Variants in GRIK1 observed in about 807,000 individuals in gnomAD.
GRIK1 encodes glutamate ionotropic receptor kainate type subunit 1.
GRIK1 carries 69 observed loss-of-function variants against 105.7 expected under a neutral mutation model. The ratio of observed to expected loss-of-function variants is 0.65; its 90% confidence interval spans 0.54 to 0.80. The LOEUF (loss-of-function observed/expected upper bound fraction) is 0.80, where lower values mean the gene tolerates loss of function less well. Among genes scored for constraint, GRIK1 ranks in the 30% least tolerant of loss-of-function variants. GRIK1 has a pLI of 0.00. For synonymous variants in GRIK1, 438 were observed against 431.3 expected (o/e 1.02, Z -0.19); for missense variants, 1,109 against 1,167.3 (o/e 0.95, Z 0.73).
At chr21:29,863,171 T>C (rs1401849096) in intron 1 of GRIK1, among the ~76,000 whole-genome samples, 8 of 152,240 alleles carry the variant, frequency 5.3e-5, no homozygotes, top group Admixed American at 1.3e-4. Flanking sequence ...CTGAACAGTA[T>C]ATGTGTGATT....
chr21:29,589,668 C>T (rs1322095048), intron 10 of GRIK1, among the ~76,000 whole-genome samples: 1 of 152,002 alleles, frequency 6.6e-6, no homozygotes, highest in Admixed American at 6.6e-5. Context: ...CCTCGTGATC[C>T]ACCCTCACAC....
intron 16 of GRIK1, among the ~76,000 whole-genome samples, chr21:29,544,355 A>G (rs2090018283): frequency 6.6e-6 from 1 of 152,204 alleles, no homozygotes; most frequent in Non-Finnish European, 1.5e-5. Flanking sequence ...AGGGCTACCC[A>G]GTGCACATTC....
At position 29,708,524 on chromosome 21, in the gene GRIK1, C is replaced by T. The variant is rs78937773; in HGVS notation, c.119-14461G>A. Among the ~76,000 whole-genome samples, 1,048 of 152,320 alleles carry T rather than the reference C, an allele frequency of 6.9e-3. 4 individuals carry two copies. Among genetic ancestry groups the T allele is most frequent in the African/African-American group, 0.023 (949 of 41,574 alleles). The stretch of plus-strand genomic sequence containing the variant: ...GTTACTATTTCCGGTTCTTTCCCTT[C>T]GGAATACATGCGTGGATTGTACCTA... On this transcript the variant is annotated intron_variant, in intron 1 of 17. Coordinates refer to ENST00000327783, the MANE Select transcript of GRIK1 (RefSeq NM_001330994.2).
At chr21:29,675,016 A>C (rs1157619692) in intron 3 of GRIK1, among the ~76,000 whole-genome samples, 2 of 152,232 alleles carry the variant, frequency 1.3e-5, no homozygotes, top group African/African-American at 4.8e-5. Context: ...AAATGAAACA[A>C]AATATAGAAC....
chr21:29,544,192 C>T (rs945632961), intron 16 of GRIK1, among the ~76,000 whole-genome samples: 2 of 152,184 alleles, frequency 1.3e-5, no homozygotes, highest in African/African-American at 4.8e-5. Context: ...AAGTGTCTTC[C>T]TCCTGTTGTT....
intron 3 of GRIK1, among the ~76,000 whole-genome samples, chr21:29,678,616 T>C (rs1360057391): frequency 6.6e-6 from 1 of 152,024 alleles, no homozygotes; most frequent in African/African-American, 2.4e-5. Context: ...AGGTGGGAGA[T>C]ATGAAGGGTA....
intron 1 of GRIK1, among the ~76,000 whole-genome samples, chr21:29,901,493 A>T (rs1223667086): frequency 6.6e-6 from 1 of 152,094 alleles, no homozygotes; most frequent in Admixed American, 6.6e-5. Flanking sequence ...AATACAAACT[A>T]CCACCAGAGA....
chr21:29,817,649 A>G (rs2067189940), intron 1 of GRIK1, among the ~76,000 whole-genome samples: 1 of 152,076 alleles, frequency 6.6e-6, no homozygotes, highest in Admixed American at 6.6e-5. Flanking sequence ...GAATGGTTAC[A>G]CATTCATAGG....
intron 1 of GRIK1, among the ~76,000 whole-genome samples, chr21:29,915,484 T>C (rs934434655): frequency 2.6e-5 from 4 of 152,050 alleles, no homozygotes; most frequent in African/African-American, 9.7e-5. Context: ...TTTTCACATA[T>C]ACTGCCCTGC....
intron 14 of GRIK1, among the ~76,000 whole-genome samples, chr21:29,569,245 A>G (rs1386099868): frequency 6.6e-6 from 1 of 152,232 alleles, no homozygotes; most frequent in East Asian, 1.9e-4. Flanking sequence ...TAAGGGTTGA[A>G]TAATTATGGT....
intron 3 of GRIK1, among the ~76,000 whole-genome samples, chr21:29,681,121 A>G (rs1272584452): frequency 1.3e-5 from 2 of 152,226 alleles, no homozygotes; most frequent in African/African-American, 2.4e-5. Context: ...TGACAGAGAA[A>G]GACTCCGTCT....
At chr21:29,785,343 A>G (rs2066229449) in intron 1 of GRIK1, among the ~76,000 whole-genome samples, 1 of 152,072 alleles carries the variant, frequency 6.6e-6, no homozygotes, top group Non-Finnish European at 1.5e-5. Flanking sequence ...CGGGTGGTTC[A>G]CCTGAGGTCA....
At chr21:29,798,476 AGTT>A (rs2145845894) in intron 1 of GRIK1, among the ~76,000 whole-genome samples, 1 of 152,336 alleles carries the variant, frequency 6.6e-6, no homozygotes, top group Non-Finnish European at 1.5e-5. Context: ...AAGATGATTT[AGTT>A]GTTCAAATTT....
intron 1 of GRIK1, among the ~76,000 whole-genome samples, chr21:29,791,321 G>GA (rs752348669): frequency 2.6e-5 from 4 of 150,944 alleles, no homozygotes; most frequent in East Asian, 1.9e-4. Context: ...AGAAGAGGAG[G>GA]AAAAAAAAAG....
Position 29,692,109 on chromosome 21 carries a change from A to G in GRIK1, c.286+1787T>C, listed in dbSNP as rs531551673. Reference sequence around the variant, plus strand: ...TCCTGTTAATAGTTAGCTCTGCGGTACTAATATTATTTGACAGAAAATCAA... The same window carrying G: ...TCCTGTTAATAGTTAGCTCTGCGGTGCTAATATTATTTGACAGAAAATCAA... On this transcript the variant is annotated intron_variant, in intron 2 of 17. Coordinates refer to ENST00000327783, the MANE Select transcript of GRIK1 (RefSeq NM_001330994.2). 4.6e-5 allele frequency among the ~76,000 whole-genome samples: 7 copies of G among 152,348 alleles called. No homozygotes were observed. In the South Asian group the frequency reaches 1.2e-3, roughly 27 times the overall value.
At chr21:29,650,463 A>G (rs944475958) in intron 6 of GRIK1, among the ~76,000 whole-genome samples, 6 of 152,216 alleles carry the variant, frequency 3.9e-5, no homozygotes, top group Non-Finnish European at 7.3e-5. Flanking sequence ...TTAGAGAAAT[A>G]TAGTGAAGGT....
chr21:29,792,018 G>A (rs914221153), intron 1 of GRIK1, among the ~76,000 whole-genome samples: 4 of 152,164 alleles, frequency 2.6e-5, no homozygotes, highest in African/African-American at 9.7e-5. Flanking sequence ...TGATAAAAAA[G>A]TGGGTTTTAG....
chr21:29,703,159 A>G (rs1285145718), intron 1 of GRIK1, among the ~76,000 whole-genome samples: 1 of 152,182 alleles, frequency 6.6e-6, no homozygotes, highest in Non-Finnish European at 1.5e-5. Flanking sequence ...ATATTTTCCT[A>G]TTCTGAATGT....
intron 1 of GRIK1, among the ~76,000 whole-genome samples, chr21:29,757,370 T>G (rs1462114467): frequency 6.6e-6 from 1 of 152,190 alleles, no homozygotes; most frequent in African/African-American, 2.4e-5. Flanking sequence ...GCATACATAT[T>G]TCTCACATAG....
Sources: allele counts gnomAD v4.1 joint callset (sites outside exome capture counted in the v4.1 genomes callset), GRCh38; gene constraint gnomAD v4.1.1; transcripts MANE v1.5; gene names NCBI Gene and HGNC (gene_info 2026-07-23, HGNC 2026-07-21).